Variants in XKR4 observed in about 807,000 individuals in gnomAD.
XKR4 encodes the protein XK related 4.
A neutral mutation model predicts 53.9 loss-of-function variants in XKR4; 12 were observed. That is an observed-to-expected ratio of 0.22 (90% CI 0.14 to 0.36). XKR4 has a LOEUF of 0.36. Ranked by LOEUF, XKR4 falls within the 10% of genes least tolerant of loss-of-function variation. The probability of loss-of-function intolerance (pLI) is 1.00; values close to 1 mark genes in which losing one functional copy is unlikely to be tolerated. For synonymous variants in XKR4, 354 were observed against 362.4 expected (o/e 0.98, Z 0.26); for missense variants, 799 against 859.5 (o/e 0.93, Z 0.88).
In XKR4 at chr8:55,230,363, C is replaced by CTTTTT. The variant is rs5891564; in HGVS notation, c.806+127081_806+127085dup. ...CAATGATTATGTTTAGAAAGAGACACTTTTTTTTTTTTTTTTGAGACAGGG... is the reference window on the plus strand; with the variant it reads ...CAATGATTATGTTTAGAAAGAGACACTTTTTTTTTTTTTTTTTTTTTGAGACAGGG... On this transcript the variant is annotated intron_variant, in intron 1 of 2. Coordinates refer to ENST00000327381, the MANE Select transcript of XKR4 (RefSeq NM_052898.2). Among the ~76,000 whole-genome samples, 21 of 138,380 alleles carry CTTTTT rather than the reference C, an allele frequency of 1.5e-4. 3 individuals carry two copies. The highest frequency in any genetic ancestry group is 2.2e-4 in the Admixed American group (3 of 13,836). 90.8% of individuals were successfully genotyped at this position (138,380 alleles called of 152,430 possible).
chr8:55,209,009 T>C (rs1817688293), intron 1 of XKR4, among the ~76,000 whole-genome samples: 1 of 152,220 alleles, frequency 6.6e-6, no homozygotes, highest in Non-Finnish European at 1.5e-5. Context: ...ATTGGTTTTC[T>C]TGGTCTTTTT....
intron 2 of XKR4, among the ~76,000 whole-genome samples, chr8:55,427,352 G>A (rs149310434): frequency 6.6e-6 from 1 of 152,174 alleles, no homozygotes; most frequent in East Asian, 1.9e-4. Context: ...ATATTTTTAT[G>A]GTATTAATTG....
chr8:55,358,507 T>A (rs1354157884), intron 2 of XKR4, among the ~76,000 whole-genome samples: 6 of 152,260 alleles, frequency 3.9e-5, no homozygotes, highest in Admixed American at 2.0e-4. Flanking sequence ...TCATATTTGA[T>A]GATCTCATCA....
At chr8:55,192,143 T>C (rs1250222244) in intron 1 of XKR4, among the ~76,000 whole-genome samples, 1 of 150,612 alleles carries the variant, frequency 6.6e-6, no homozygotes, top group Non-Finnish European at 1.5e-5. Flanking sequence ...GTTTTTATGC[T>C]CCAAGTCACT....
chr8:55,144,978 C>T lies in XKR4; in HGVS notation c.806+41684C>T, dbSNP rs1816752574. Among the ~76,000 whole-genome samples the T allele has an allele frequency of 2.0e-5, 3 of 151,932 alleles. No homozygotes were observed. The South Asian group carries it at 6.2e-4, about 32-fold the overall frequency. On this transcript the variant is annotated intron_variant, in intron 1 of 2. Transcript: ENST00000327381. The stretch of plus-strand genomic sequence containing the variant: ...TCCCAAGTAGCTGGGATTGTGGGTG[C>T]CTGCCACCATGCCCGACTGATTTTT...
At chr8:55,496,628 A>G (rs1806353654) in intron 2 of XKR4, among the ~76,000 whole-genome samples, 1 of 152,336 alleles carries the variant, frequency 6.6e-6, no homozygotes, top group South Asian at 2.1e-4. Context: ...TTAAGAAACT[A>G]CAGTGAAAAC....
intron 1 of XKR4, among the ~76,000 whole-genome samples, chr8:55,138,324 A>G (rs1394925844): frequency 6.6e-6 from 1 of 152,222 alleles, no homozygotes; most frequent in Non-Finnish European, 1.5e-5. Flanking sequence ...CCAAAACCCA[A>G]TTTATTCTAC....
intron 1 of XKR4, among the ~76,000 whole-genome samples, chr8:55,333,001 T>G (rs376498059): frequency 2.0e-5 from 3 of 151,988 alleles, no homozygotes; most frequent in Non-Finnish European, 4.4e-5. Flanking sequence ...GTTTTGAGTC[T>G]GCTGTTGAAC....
At chr8:55,178,284 A>T (rs1817259244) in intron 1 of XKR4, among the ~76,000 whole-genome samples, 1 of 152,168 alleles carries the variant, frequency 6.6e-6, no homozygotes, top group African/African-American at 2.4e-5. Context: ...ACATTAAATA[A>T]CCTAGTTGAG....
At chr8:55,349,757 A>G (rs1479935822) in intron 1 of XKR4, among the ~76,000 whole-genome samples, 1 of 152,228 alleles carries the variant, frequency 6.6e-6, no homozygotes, top group African/African-American at 2.4e-5. Context: ...GGCAATTTTA[A>G]TGATAATACA....
At chr8:55,115,139 C>T (rs1359984322) in intron 1 of XKR4, among the ~76,000 whole-genome samples, 1 of 152,116 alleles carries the variant, frequency 6.6e-6, no homozygotes, top group African/African-American at 2.4e-5. Context: ...AGCAAGATGC[C>T]CAGGTGATTA....
chr8:55,247,855 C>CTTTT (rs1166258777), intron 1 of XKR4, among the ~76,000 whole-genome samples: 35 of 59,882 alleles, frequency 5.8e-4, no homozygotes, highest in Admixed American at 1.0e-3. Flanking sequence ...TTCTTTCTTT[C>CTTTT]TTTTTTTTTT....
At chr8:55,452,378 G>A in intron 2 of XKR4, 1 of 628,670 alleles carries the variant, frequency 1.6e-6, no homozygotes, top group Middle Eastern at 2.7e-4. Context: ...CCGTGAAGAT[G>A]ACCCGGTACG....
At chr8:55,390,905 C>A (rs529050199) in intron 2 of XKR4, among the ~76,000 whole-genome samples, 3 of 152,118 alleles carry the variant, frequency 2.0e-5, no homozygotes, top group Non-Finnish European at 2.9e-5. Flanking sequence ...ATCCTGCTAC[C>A]AAATTGTTAA....
intron 1 of XKR4, among the ~76,000 whole-genome samples, chr8:55,228,735 T>C (rs1455110383): frequency 6.6e-6 from 1 of 152,228 alleles, no homozygotes; most frequent in Non-Finnish European, 1.5e-5. Flanking sequence ...CTTTATGTAG[T>C]AGCGCCATGT....
chr8:55,181,535 A>G (rs963548741), intron 1 of XKR4, among the ~76,000 whole-genome samples: 39 of 152,084 alleles, frequency 2.6e-4, no homozygotes, highest in African/African-American at 9.2e-4. Context: ...TGCAGTAGGC[A>G]TTTGATAGAC....
intron 2 of XKR4, among the ~76,000 whole-genome samples, chr8:55,462,894 G>C (rs1243645252): frequency 2.6e-5 from 4 of 152,170 alleles, no homozygotes; most frequent in Non-Finnish European, 5.9e-5. Flanking sequence ...TTACATAATG[G>C]TAAAGGGATC....
At chr8:55,453,558 C>T (rs1805495904) in intron 2 of XKR4, 1 of 380,934 alleles carries the variant, frequency 2.6e-6, no homozygotes, top group African/African-American at 2.1e-5. Flanking sequence ...ATGCGGGGCC[C>T]TGAGGGCCCT....
chr8:55,168,586 T>C (rs1238450603), intron 1 of XKR4, among the ~76,000 whole-genome samples: 1 of 152,244 alleles, frequency 6.6e-6, no homozygotes, highest in Non-Finnish European at 1.5e-5. Context: ...AACAGATGTC[T>C]ACTTCCCCTG....
Sources: gnomAD v4.1 joint callset for allele counts (sites outside exome capture counted in the v4.1 genomes callset) on GRCh38, gnomAD v4.1.1 for gene constraint, MANE v1.5 for transcripts, NCBI Gene and HGNC (gene_info 2026-07-23, HGNC 2026-07-21) for gene names.